POLR3E: variants seen among roughly 807,000 people sequenced by gnomAD.
The protein encoded by POLR3E is RNA polymerase III subunit E.
POLR3E carries 41 observed loss-of-function variants against 96.6 expected under a neutral mutation model. That is an observed-to-expected ratio of 0.42 (90% CI 0.33 to 0.55). The LOEUF is 0.55. Among genes scored for constraint, POLR3E ranks in the 20% least tolerant of loss-of-function variants. POLR3E has a pLI of 0.06. For missense variants in POLR3E, 849 were observed against 952.1 expected, an observed-to-expected ratio of 0.89 and a Z score of 1.43; for synonymous variants, 396 against 383.6, an observed-to-expected ratio of 1.03 and a Z score of -0.38.
At chr16:22,329,289 A>G (rs2048685807) in intron 19 of POLR3E, among the ~76,000 whole-genome samples, 1 of 152,098 alleles carries the variant, frequency 6.6e-6, no homozygotes, top group African/African-American at 2.4e-5. Flanking sequence ...CTGGACTTTT[A>G]GGTTAAAGAA....
chr16:22,303,205 A>G (rs2048063639), intron 2 of POLR3E, among the ~76,000 whole-genome samples: 1 of 151,770 alleles, frequency 6.6e-6, no homozygotes, highest in Non-Finnish European at 1.5e-5. Context: ...CTGATCTGGC[A>G]TCACCTCATC....
chr16:22,311,659 T>G (rs1005354866), intron 6 of POLR3E, among the ~76,000 whole-genome samples: 1 of 151,922 alleles, frequency 6.6e-6, no homozygotes, highest in Non-Finnish European at 1.5e-5. Context: ...ATCTGGCTAA[T>G]TTTTTAAAAA....
At chr16:22,316,148 C>G (rs189142848) in intron 9 of POLR3E, among the ~76,000 whole-genome samples, 1 of 152,160 alleles carries the variant, frequency 6.6e-6, no homozygotes, top group Non-Finnish European at 1.5e-5. Context: ...GGTCAAACTT[C>G]TAGACACTGC....
At chr16:22,298,841 G>T in intron 1 of POLR3E, 1 of 375,932 alleles carries the variant, frequency 2.7e-6, no homozygotes, top group Non-Finnish European at 5.4e-6. Context: ...TGTCAACTTC[G>T]TGCCAGGCAC....
chr16:22,314,229 G>A (rs2048310095), intron 8 of POLR3E, 101 bp downstream of exon 8: 2 of 914,224 alleles, frequency 2.2e-6, no homozygotes, highest in Non-Finnish European at 3.6e-6. Context: ...GGAGCAGACA[G>A]GGCCCATGCT....
chr16:22,325,935 A>C lies in POLR3E; in HGVS notation c.1523A>C (p.Glu508Ala), dbSNP rs1465458774. 2 of 1,595,380 alleles carry C rather than the reference A, an allele frequency of 1.3e-6. No individual in the cohort carries two copies. The highest frequency in any genetic ancestry group is 2.2e-5 in the South Asian group (2 of 89,228). Residue 508 changes from glutamate to alanine, a missense_variant, in exon 18 of 21, where the codon GAG (glutamate) becomes GCG (alanine). Transcript: ENST00000299853. The part of the protein sequence containing the change: ...KEEPVSEEGE[E>A]DEEQEAEEEP... ...GAGCCCGTGAGCGAGGAGGGCGAGG[A>C]GGACGAGGAGCAGGAGGCGGAGGAG... is the stretch of plus-strand genomic sequence containing the variant.
chr16:22,308,257 G>T (rs755560214), intron 4 of POLR3E, 32 bp downstream of exon 4: 7 of 1,537,812 alleles, frequency 4.6e-6, no homozygotes, highest in African/African-American at 2.7e-5. Flanking sequence ...AGTTGGGGCC[G>T]AAAGAGAGGG....
rs550536615 is a variant in POLR3E, at chr16:22,333,558, A to G, written c.2071-86A>G. The stretch of plus-strand genomic sequence containing the variant: ...CCCATTTGTATTCTATTCACTAATC[A>G]TAAATCGAGTGTTGACATTGTGGAC... On this transcript the variant is annotated intron_variant, in intron 20 of 20. Transcript: ENST00000299853. 17 of 930,374 alleles carry G rather than the reference A, an allele frequency of 1.8e-5. No homozygotes were observed. In the African/African-American group the frequency reaches 2.1e-4, roughly 11 times the overall value. 57.6% of individuals were successfully genotyped at this position (930,374 alleles called of 1,614,324 possible). A position where few individuals can be genotyped will look rare whatever the true frequency, so the allele number is the denominator to read the frequency against.
chr16:22,304,909 A>G (rs2048103496), intron 2 of POLR3E, among the ~76,000 whole-genome samples: 1 of 152,072 alleles, frequency 6.6e-6, no homozygotes, highest in Non-Finnish European at 1.5e-5. Context: ...GGGATTGTGA[A>G]CTTGGGTGGG....
chr16:22,297,599 G>C (rs566142293), intron 1 of POLR3E, 62 bp downstream of exon 1: 2 of 152,486 alleles, frequency 1.3e-5, no homozygotes, highest in Admixed American at 6.5e-5. Context: ...CACGACGTGG[G>C]CCTGGGCTAG....
chr16:22,323,024 C>A, intron 14 of POLR3E, 93 bp downstream of exon 14: 2 of 813,866 alleles, frequency 2.5e-6, no homozygotes, highest in Non-Finnish European at 4.1e-6. Flanking sequence ...CCGGCAGAGG[C>A]TCCAGGTGGA....
At chr16:22,323,654 G>T (rs1044384706) in intron 14 of POLR3E, among the ~76,000 whole-genome samples, 1 of 152,094 alleles carries the variant, frequency 6.6e-6, no homozygotes, top group African/African-American at 2.4e-5. Context: ...CCAGGTGCCC[G>T]AGCAGCATCT....
At chr16:22,316,220 T>G (rs191439531) in intron 9 of POLR3E, among the ~76,000 whole-genome samples, 121 of 152,338 alleles carry the variant, frequency 7.9e-4, no homozygotes, top group Non-Finnish European at 1.6e-3. Flanking sequence ...GTTTTCTTAA[T>G]TATAAAATGA....
chr16:22,330,200 A>C (rs957533530), intron 19 of POLR3E, among the ~76,000 whole-genome samples: 1 of 151,834 alleles, frequency 6.6e-6, no homozygotes, highest in African/African-American at 2.4e-5. Flanking sequence ...GGTAGCTGGG[A>C]TTACGGGCTT....
rs950953006 is a variant in POLR3E, at chr16:22,322,753, G to A, written c.987-97G>A. ...GGGCTCAGGCCTGTACCCAGCCCAC[G>A]GTGGAAAGAAGCATGGACTGGGGCT... On this transcript the variant is annotated intron_variant, in intron 13 of 20. Coordinates refer to ENST00000299853, the MANE Select transcript of POLR3E (RefSeq NM_018119.4). This position sits in a 1 kb window ranked among gnomAD's most constrained non-coding sequence, Gnocchi z 5.2. 2.5e-6 allele frequency: 2 copies of A among 812,160 alleles called. No homozygotes were observed. Among genetic ancestry groups the A allele is most frequent in the Non-Finnish European group, 2.1e-6 (1 of 485,624 alleles). The allele number at this position is 812,160 out of a possible 1,614,324, so 50.3% of individuals were successfully genotyped here.
chr16:22,325,776 T>C lies in POLR3E; in HGVS notation c.1364T>C (p.Val455Ala). 1 of 1,578,034 alleles carries C rather than the reference T, an allele frequency of 6.3e-7. No individual in the cohort carries two copies. The highest frequency in any genetic ancestry group is 8.6e-7 in the Non-Finnish European group (1 of 1,162,710). ...PDAQSGPAGL[V>A]CGDQRIQVAK... The stretch of plus-strand genomic sequence containing the variant: ...CTCCCCGCAGGGCCTGCCGGGCTGG[T>C]CTGTGGGGACCAGCGGATCCAAGTA... The change falls in exon 18 of 21, where the codon GTC (valine) becomes GCC (alanine). Residue 455 changes from valine to alanine, a missense_variant. By Grantham distance (64) the Val-to-Ala change is moderately conservative (BLOSUM62 0). Coordinates refer to ENST00000299853, the MANE Select transcript of POLR3E (RefSeq NM_018119.4).
intron 2 of POLR3E, among the ~76,000 whole-genome samples, chr16:22,304,475 G>T (rs914290881): frequency 6.6e-6 from 1 of 152,196 alleles, no homozygotes; most frequent in Non-Finnish European, 1.5e-5. Context: ...CAGCCAGGGG[G>T]CCTGGAATGC....
In POLR3E at chr16:22,326,102, G is replaced by A; in HGVS notation, c.1690G>A (p.Ala564Thr). The change falls in exon 18 of 21, where the codon GCC (alanine) becomes ACC (threonine). Residue 564 changes from alanine (A) to threonine (T), a missense_variant. Transcript: ENST00000299853. ...CACCCCTGTGGCTCGGGAACTGAAG[G>A]CCTTCGTGGAGGCCACCTTTCAGAG... ...ASTPVARELK[A>T]FVEATFQRQF... 3 of 1,613,770 alleles carry A rather than the reference G, an allele frequency of 1.9e-6. No individual in the cohort carries two copies. Among genetic ancestry groups the A allele is most frequent in the Non-Finnish European group, 2.5e-6 (3 of 1,179,926 alleles).
Position 22,308,993 on chromosome 16 carries a change from G to C in POLR3E, c.234G>C (p.Ala78=). 6.2e-7 allele frequency: 1 copy of C among 1,614,058 alleles called. No individual in the cohort carries two copies. The highest frequency in any genetic ancestry group is 8.5e-7 in the Non-Finnish European group (1 of 1,179,950). ...GCCGCAGCAAAGGGGAGCAGATTGCGCTGAACGTGGACGGGGCCTGCGCCG... is the reference window on the plus strand; with the variant it reads ...GCCGCAGCAAAGGGGAGCAGATTGCCCTGAACGTGGACGGGGCCTGCGCCG... The part of the protein sequence containing the change: ...NYCRSKGEQI[A]LNVDGACADE... The change falls in exon 5 of 21, where the codon GCG becomes GCC. Residue 78 remains alanine (A), a synonymous_variant. Transcript: ENST00000299853.
Sources: gnomAD v4.1 joint callset for allele counts (sites outside exome capture counted in the v4.1 genomes callset) on GRCh38, gnomAD v4.1.1 for gene constraint, Gnocchi (gnomAD v3.1) non-coding constraint, MANE v1.5 for transcripts, NCBI Gene and HGNC (gene_info 2026-07-23, HGNC 2026-07-21) for gene names.